TBC1D4: variants seen among roughly 807,000 people sequenced by gnomAD.
TBC1D4 encodes TBC1 domain family member 4, also known as TBC (Tre-2, BUB2, CDC16) domain-containing protein.
Under a neutral mutation model 142.5 loss-of-function variants are expected in TBC1D4, and 121 were observed. That is an observed-to-expected ratio of 0.85 (90% CI 0.73 to 0.99). TBC1D4 has a LOEUF of 0.99. Among genes scored for constraint, TBC1D4 ranks in the 50% least tolerant of loss-of-function variants. The probability of loss-of-function intolerance (pLI) is 0.00; values close to 1 mark genes in which losing one functional copy is unlikely to be tolerated. For missense variants in TBC1D4, 1,475 were observed against 1,606.6 expected (o/e 0.92, Z 1.40); for synonymous variants, 630 against 628.2 (o/e 1.00, Z -0.04).
At chr13:75,396,640 G>C (rs949906181) in intron 1 of TBC1D4, among the ~76,000 whole-genome samples, 1 of 151,828 alleles carries the variant, frequency 6.6e-6, no homozygotes, top group Admixed American at 6.6e-5. Context: ...ACTAATGTCT[G>C]AATGTAATTC....
intron 15 of TBC1D4, among the ~76,000 whole-genome samples, chr13:75,303,253 G>A (rs1778746387): frequency 6.6e-6 from 1 of 152,022 alleles, no homozygotes; most frequent in South Asian, 2.1e-4. Context: ...GGGGACACAG[G>A]TTGCAGTGAG....
intron 8 of TBC1D4, among the ~76,000 whole-genome samples, chr13:75,330,628 A>G (rs1488293497): frequency 6.6e-6 from 1 of 152,242 alleles, no homozygotes; most frequent in African/African-American, 2.4e-5. Context: ...CACAGGAAGC[A>G]CAATTGTAAA....
intron 4 of TBC1D4, among the ~76,000 whole-genome samples, chr13:75,354,237 T>C (rs539524235): frequency 6.6e-6 from 1 of 152,290 alleles, no homozygotes; most frequent in South Asian, 2.1e-4. Context: ...CTACACAATA[T>C]AGATTTTGTC....
At position 75,349,222 on chromosome 13, in the gene TBC1D4, C is replaced by G. The variant is rs750396776; in HGVS notation, c.1356G>C (p.Leu452=). 16 of 1,613,982 alleles carry G rather than the reference C, an allele frequency of 9.9e-6. No individual in the cohort carries two copies. Among genetic ancestry groups the G allele is most frequent in the Non-Finnish European group, 1.3e-5 (15 of 1,179,960 alleles). The change falls in exon 5 of 21, where the codon CTG becomes CTC. Residue 452 remains leucine, a synonymous_variant. Transcript: ENST00000377636. ...AAGAGTGCATCGGGCAGGCCTCACA[C>G]AGTTTAATCTGCGTCTTGGCACTCT... The part of the protein sequence containing the change: ...ALQSAKTQIK[L]CEACPMHSLH...
intron 1 of TBC1D4, among the ~76,000 whole-genome samples, chr13:75,476,926 T>G (rs926902750): frequency 7.9e-5 from 12 of 152,174 alleles, no homozygotes; most frequent in Non-Finnish European, 1.5e-4. Flanking sequence ...TTTCTGATAA[T>G]CAAGCCCTGA....
At position 75,286,737 on chromosome 13, in the gene TBC1D4, C is replaced by T. The variant is rs918274139; in HGVS notation, c.*55G>A. The T allele has an allele frequency of 1.0e-5, 16 of 1,556,998 alleles. No homozygotes were observed. The African/African-American group carries it at 1.9e-4, about 18-fold the overall frequency. On this transcript the variant is annotated 3_prime_UTR_variant, in exon 21 of 21. Transcript: ENST00000377636. Reference sequence around the variant, plus strand: ...GCCTTGGGCCAGCGACATGCAGGCTCTTCCTCTCTGTAGTATTCTAAGGAG... The same window carrying T: ...GCCTTGGGCCAGCGACATGCAGGCTTTTCCTCTCTGTAGTATTCTAAGGAG...
At chr13:75,299,086 A>G (rs554747333) in intron 17 of TBC1D4, among the ~76,000 whole-genome samples, 95 of 152,288 alleles carry the variant, frequency 6.2e-4, no homozygotes, top group Middle Eastern at 3.4e-3. Flanking sequence ...CCTTTCTTAA[A>G]TTACTTATTT....
intron 1 of TBC1D4, among the ~76,000 whole-genome samples, chr13:75,413,691 T>G (rs1885784461): frequency 6.6e-6 from 1 of 152,172 alleles, no homozygotes; most frequent in African/African-American, 2.4e-5. Context: ...AGGATAGAGT[T>G]CTTTCTGTCA....
chr13:75,392,086 T>C (rs1404139699), intron 1 of TBC1D4, among the ~76,000 whole-genome samples: 4 of 152,210 alleles, frequency 2.6e-5, no homozygotes, highest in African/African-American at 4.8e-5. Flanking sequence ...GCTATAATAT[T>C]GTACTTTTTT....
Position 75,326,228 on chromosome 13 carries a change from G to A in TBC1D4, c.2002C>T (p.Leu668=). 1 of 1,614,182 alleles carries A rather than the reference G, an allele frequency of 6.2e-7. No individual in the cohort carries two copies. The highest frequency in any genetic ancestry group is 8.5e-7 in the Non-Finnish European group (1 of 1,180,026). Residue 668 remains leucine (L), a synonymous_variant, in exon 10 of 21, where the codon CTG becomes TTG. Coordinates refer to ENST00000377636, the MANE Select transcript of TBC1D4 (RefSeq NM_014832.5). Reference sequence around the variant, plus strand: ...TGTTCACTGGAGCTCTGCCTCAGCAGAGGGGAACGCACACCCTGAGCCCTC... The same window carrying A: ...TGTTCACTGGAGCTCTGCCTCAGCAAAGGGGAACGCACACCCTGAGCCCTC... ...DGRAQGVRSP[L]LRQSSSEQCS...
At chr13:75,338,309 C>T (rs1223030516) in intron 7 of TBC1D4, among the ~76,000 whole-genome samples, 3 of 151,638 alleles carry the variant, frequency 2.0e-5, no homozygotes, top group African/African-American at 7.3e-5. Flanking sequence ...AATGGGTATA[C>T]ATGTGGGCTG....
At chr13:75,368,809 C>T (rs921304679) in intron 1 of TBC1D4, among the ~76,000 whole-genome samples, 1 of 151,978 alleles carries the variant, frequency 6.6e-6, no homozygotes, top group Admixed American at 6.6e-5. Flanking sequence ...GAGGCTGAGG[C>T]GAGGTAGGTG....
At chr13:75,473,406 C>T (rs1304956200) in intron 1 of TBC1D4, among the ~76,000 whole-genome samples, 1 of 152,132 alleles carries the variant, frequency 6.6e-6, no homozygotes, top group Non-Finnish European at 1.5e-5. Flanking sequence ...TAGATTTGTT[C>T]GACCAGAAGC....
chr13:75,352,682 T>C (rs560817), intron 4 of TBC1D4, among the ~76,000 whole-genome samples: 7,151 of 152,104 alleles, frequency 0.047, 545 homozygotes, highest in African/African-American at 0.16. Flanking sequence ...AAAGGAAGAA[T>C]TGATCATCTA....
At chr13:75,302,639 C>T (rs754621879) in intron 15 of TBC1D4, 37 of 571,344 alleles carry the variant, frequency 6.5e-5, no homozygotes, top group Non-Finnish European at 1.0e-4. Context: ...TTAACAATAA[C>T]ATCACCCGTT....
At chr13:75,310,627 C>T (rs973921380) in intron 13 of TBC1D4, among the ~76,000 whole-genome samples, 4 of 152,186 alleles carry the variant, frequency 2.6e-5, no homozygotes, top group African/African-American at 7.2e-5. Flanking sequence ...CCTCCTGCAA[C>T]ACCTTTTTCT....
chr13:75,481,098 A>T (rs968193939), intron 1 of TBC1D4, among the ~76,000 whole-genome samples, 172 bp downstream of exon 1: 3 of 150,982 alleles, frequency 2.0e-5, no homozygotes, highest in Non-Finnish European at 4.4e-5. Context: ...CTTCTCTCCC[A>T]CTCCCAAGGT....
chr13:75,459,801 A>G (rs1013919818), intron 1 of TBC1D4, among the ~76,000 whole-genome samples: 1 of 152,230 alleles, frequency 6.6e-6, no homozygotes, highest in Non-Finnish European at 1.5e-5. Context: ...CTTGAAAACA[A>G]CAACAAAAAC....
At chr13:75,392,048 A>G (rs1884517359) in intron 1 of TBC1D4, among the ~76,000 whole-genome samples, 2 of 152,016 alleles carry the variant, frequency 1.3e-5, no homozygotes, top group Non-Finnish European at 2.9e-5. Flanking sequence ...TAAAATTTTT[A>G]TCCTAAGCAC....
Sources: allele counts gnomAD v4.1 joint callset (sites outside exome capture counted in the v4.1 genomes callset), GRCh38; gene constraint gnomAD v4.1.1; transcripts MANE v1.5; gene names NCBI Gene and HGNC (gene_info 2026-07-23, HGNC 2026-07-21).